The following FAM135B variants were observed in gnomAD, a reference collection of about 807,000 sequenced individuals.
FAM135B encodes the protein family with sequence similarity 135 member B, also known as protein FAM135B.
Under a neutral mutation model 127.7 loss-of-function variants are expected in FAM135B, and 43 were observed. The ratio of observed to expected loss-of-function variants is 0.34; its 90% CI spans 0.26 to 0.43. FAM135B has a LOEUF of 0.43. Ranked by LOEUF, FAM135B falls within the 20% of genes least tolerant of loss-of-function variation. The probability of loss-of-function intolerance (pLI) is 1.00; values close to 1 mark genes in which losing one functional copy is unlikely to be tolerated. For synonymous variants in FAM135B, 670 were observed against 665.1 expected, an observed-to-expected ratio of 1.01 and a Z score of -0.11; for missense variants, 1,558 against 1,725.6, an observed-to-expected ratio of 0.90 and a Z score of 1.72.
At chr8:138,364,894 C>T (rs1050015031) in intron 2 of FAM135B, among the ~76,000 whole-genome samples, 1 of 152,094 alleles carries the variant, frequency 6.6e-6, no homozygotes, top group Non-Finnish European at 1.5e-5. Context: ...GTCACCCAGG[C>T]TAGAGTGCAG....
chr8:138,136,872 T>C (rs1417435191), intron 19 of FAM135B, among the ~76,000 whole-genome samples: 1 of 152,236 alleles, frequency 6.6e-6, no homozygotes, highest in African/African-American at 2.4e-5. Context: ...GCCTGTCTCA[T>C]TGAATTATAC....
At chr8:138,434,003 G>T (rs764571172) in intron 1 of FAM135B, among the ~76,000 whole-genome samples, 28 of 152,318 alleles carry the variant, frequency 1.8e-4, no homozygotes, top group Middle Eastern at 3.4e-3. Context: ...AAGCATTTCT[G>T]CTTATGCCAC....
At chr8:138,276,888 AAT>A (rs1209441364) in intron 3 of FAM135B, among the ~76,000 whole-genome samples, 1 of 152,140 alleles carries the variant, frequency 6.6e-6, no homozygotes, top group African/African-American at 2.4e-5. Flanking sequence ...TCTAGCTATG[AAT>A]GATAGAGAAG....
Position 138,170,308 on chromosome 8 carries a change from C to T in FAM135B, c.1104-2259G>A, listed in dbSNP as rs145433653. ...CACAATCTCGGCTCACCGCAACCTCCACCTCCTGGGTTCATGCGATTTTCC... is the reference window on the plus strand; with the variant it reads ...CACAATCTCGGCTCACCGCAACCTCTACCTCCTGGGTTCATGCGATTTTCC... On this transcript the variant is annotated intron_variant, in intron 11 of 19. Transcript: ENST00000395297. 4.1e-3 allele frequency among the ~76,000 whole-genome samples: 625 copies of T among 151,546 alleles called. 5 individuals are homozygous for T. In the Middle Eastern group the frequency reaches 0.045, roughly 11 times the overall value.
At chr8:138,472,874 A>G (rs1292595749) in intron 1 of FAM135B, among the ~76,000 whole-genome samples, 1 of 152,086 alleles carries the variant, frequency 6.6e-6, no homozygotes, top group Non-Finnish European at 1.5e-5. Flanking sequence ...GCATTGATTG[A>G]CACCGCCTGA....
At chr8:138,162,046 A>T (rs935853842) in intron 12 of FAM135B, among the ~76,000 whole-genome samples, 42 of 152,232 alleles carry the variant, frequency 2.8e-4, no homozygotes, top group Non-Finnish European at 5.1e-4. Flanking sequence ...ATTTGCTTCA[A>T]TATCATTTAG....
intron 1 of FAM135B, among the ~76,000 whole-genome samples, chr8:138,494,897 C>T (rs895385312): frequency 2.0e-5 from 3 of 151,204 alleles, no homozygotes; most frequent in Non-Finnish European, 4.4e-5. Flanking sequence ...TCAAACTAGA[C>T]GAGTGCTGCA....
At chr8:138,225,489 CAAAG>C (rs1563791250) in intron 7 of FAM135B, among the ~76,000 whole-genome samples, 1 of 150,748 alleles carries the variant, frequency 6.6e-6, no homozygotes, top group African/African-American at 2.4e-5. Context: ...AAAACAAAAA[CAAAG>C]AAGAAAAAGA....
In FAM135B at chr8:138,197,561, G is replaced by C. The variant is rs2131137457; in HGVS notation, c.778C>G (p.Leu260Val). 1 of 1,614,124 alleles carries C rather than the reference G, an allele frequency of 6.2e-7. No individual in the cohort carries two copies. Among genetic ancestry groups the C allele is most frequent in the Non-Finnish European group, 8.5e-7 (1 of 1,180,022 alleles). The change falls in exon 8 of 20, where the codon CTG becomes GTG. Residue 260 changes from leucine to valine, a missense_variant. Transcript: ENST00000395297. ...HAYRGLRLHF[L>V]VIMRDIPELP... is the part of the protein sequence containing the mutation. Reference sequence around the variant, plus strand: ...TCTGGGATGTCCCGCATGATCACCAGGAAGTGGAGACGGAGACCCCGGTAA... The same window carrying C: ...TCTGGGATGTCCCGCATGATCACCACGAAGTGGAGACGGAGACCCCGGTAA...
chr8:138,334,467 T>A (rs554145976), intron 2 of FAM135B, among the ~76,000 whole-genome samples: 2 of 152,340 alleles, frequency 1.3e-5, no homozygotes, highest in Admixed American at 1.3e-4. Flanking sequence ...TGGGGATTTG[T>A]CCCACAGATT....
At chr8:138,227,696 T>C (rs978081897) in intron 7 of FAM135B, among the ~76,000 whole-genome samples, 1 of 151,018 alleles carries the variant, frequency 6.6e-6, no homozygotes, top group Non-Finnish European at 1.5e-5. Flanking sequence ...CTTTCTGGTG[T>C]GTTTTAATTT....
At chr8:138,496,118 T>G (rs1815382915) in intron 1 of FAM135B, among the ~76,000 whole-genome samples, 1 of 152,162 alleles carries the variant, frequency 6.6e-6, no homozygotes. Context: ...AGTTACTACT[T>G]GCCTCGTCTA....
chr8:138,247,900 A>T (rs960002130), intron 6 of FAM135B, among the ~76,000 whole-genome samples: 5 of 152,236 alleles, frequency 3.3e-5, no homozygotes, highest in Non-Finnish European at 5.9e-5. Context: ...TCACTGTCAC[A>T]GTCTCTTATC....
At chr8:138,271,468 T>G in intron 3 of FAM135B, among the ~76,000 whole-genome samples, 1 of 152,334 alleles carries the variant, frequency 6.6e-6, no homozygotes, top group Non-Finnish European at 1.5e-5. Flanking sequence ...ACTAATCACC[T>G]GCTATGCACT....
At chr8:138,239,358 CT>C (rs1820546981) in intron 7 of FAM135B, among the ~76,000 whole-genome samples, 1 of 152,144 alleles carries the variant, frequency 6.6e-6, no homozygotes, top group Admixed American at 6.5e-5. Flanking sequence ...TAAATGTCTT[CT>C]TTTGAGAAGT....
At chr8:138,380,794 A>G (rs543562378) in intron 1 of FAM135B, among the ~76,000 whole-genome samples, 1 of 149,128 alleles carries the variant, frequency 6.7e-6, no homozygotes, top group African/African-American at 2.5e-5. Flanking sequence ...AGATCTTCCT[A>G]TAAGATCTAA....
chr8:138,361,566 A>G (rs1830424865), intron 2 of FAM135B, among the ~76,000 whole-genome samples: 1 of 152,204 alleles, frequency 6.6e-6, no homozygotes, highest in Admixed American at 6.5e-5. Flanking sequence ...TACATCTCTA[A>G]CATTCCTTTT....
chr8:138,453,532 G>A (rs1836610641), intron 1 of FAM135B, among the ~76,000 whole-genome samples: 1 of 151,978 alleles, frequency 6.6e-6, no homozygotes, highest in Non-Finnish European at 1.5e-5. Context: ...ACAAAAAGAA[G>A]CTTTCTCTTG....
chr8:138,162,332 C>A (rs1292531378), intron 12 of FAM135B, among the ~76,000 whole-genome samples: 1 of 152,144 alleles, frequency 6.6e-6, no homozygotes, highest in Non-Finnish European at 1.5e-5. Context: ...ATTTTTCGAG[C>A]AATGGAACTA....
Sources: gnomAD v4.1 joint callset for allele counts (sites outside exome capture counted in the v4.1 genomes callset) on GRCh38, gnomAD v4.1.1 for gene constraint, MANE v1.5 for transcripts, NCBI Gene and HGNC (gene_info 2026-07-23, HGNC 2026-07-21) for gene names.